FHOD1: variants seen among roughly 807,000 people sequenced by gnomAD.
FHOD1 encodes formin homology 2 domain containing 1, also known as FH1/FH2 domain-containing protein 1.
In FHOD1, 89 loss-of-function variants were observed where a neutral mutation model predicts 111.6. The ratio of observed to expected loss-of-function variants is 0.80; its 90% CI spans 0.67 to 0.95. The LOEUF (loss-of-function observed/expected upper bound fraction) is 0.95. FHOD1 is among the 40% of genes least tolerant of loss of function. The probability of loss-of-function intolerance (pLI) is 0.00; values close to 1 mark genes in which losing one functional copy is unlikely to be tolerated. For synonymous variants in FHOD1, 618 were observed against 639.0 expected (o/e 0.97, Z 0.50); for missense variants, 1,446 against 1,554.2 (o/e 0.93, Z 1.17).
At chr16:67,245,274 G>C (rs1004308858) in intron 1 of FHOD1, among the ~76,000 whole-genome samples, 1 of 152,168 alleles carries the variant, frequency 6.6e-6, no homozygotes, top group African/African-American at 2.4e-5. Context: ...TTGGGGATGA[G>C]GAACTTATAT....
At position 67,230,617 on chromosome 16, in the gene FHOD1, G is replaced by A. The variant is rs1276907965; in HGVS notation, c.2842C>T (p.Arg948Cys). Residue 948 changes from arginine (R) to cysteine (C), a missense_variant, in exon 18 of 22, where the codon CGC becomes TGC. Physicochemically the swap from Arg to Cys is radical, Grantham distance 180 (BLOSUM62 -3). Around this residue, in one of 3 missense-constraint regions of FHOD1, gnomAD observed 1,085 missense variants for 1,108.8 expected, o/e 0.98. Coordinates refer to ENST00000258201, the MANE Select transcript of FHOD1 (RefSeq NM_013241.3). ...RRVAMLRIVH[R>C]RVCNRFHAFL... ...TGCCCCTACCTATTGCAGACACGGC[G>A]GTGCACTATCCTTAGCATGGCAACA... The A allele has an allele frequency of 5.6e-6, 9 of 1,614,086 alleles. No homozygotes were observed. Among genetic ancestry groups the A allele is most frequent in the Non-Finnish European group, 6.8e-6 (8 of 1,179,970 alleles).
rs144176051 is a variant in FHOD1 at position 67,236,000 on chromosome 16, C to T, written c.1319+557G>A. On this transcript the variant is annotated intron_variant, in intron 11 of 21. Transcript: ENST00000258201. The stretch of plus-strand genomic sequence containing the variant: ...TGAGCACATGGCAGGCCTGGCAGGC[C>T]GGCCTCTGTACTTACTCCAGCCTGG... 6.4e-5 allele frequency: 63 copies of T among 982,782 alleles called. No homozygotes were observed. The Middle Eastern group carries it at 2.1e-3, about 33-fold the overall frequency. The allele number at this position is 982,782 out of a possible 1,614,324, so 60.9% of individuals were successfully genotyped here.
intron 13 of FHOD1, 71 bp from the exon 14 acceptor site, chr16:67,232,265 C>G (rs1006117199): frequency 7.8e-6 from 12 of 1,543,624 alleles, no homozygotes; most frequent in Non-Finnish European, 1.1e-5. Context: ...CGCCTGTAAT[C>G]CCAGCACTTT....
rs766020302 is a variant in FHOD1 at position 67,229,621 on chromosome 16, C to T, written c.*15G>A. 24 of 1,611,940 alleles carry T rather than the reference C, an allele frequency of 1.5e-5. No homozygotes were observed. The highest frequency in any genetic ancestry group is 1.6e-4 in the Middle Eastern group (1 of 6,076). On this transcript the variant is annotated 3_prime_UTR_variant, in exon 22 of 22. Transcript: ENST00000258201. Reference sequence around the variant, plus strand: ...GCAGTCCAGGGTCCAGATAGATTTCCGGGATACAGCACCTTCACACCTCCA... The same window carrying T: ...GCAGTCCAGGGTCCAGATAGATTTCTGGGATACAGCACCTTCACACCTCCA...
In FHOD1 at chr16:67,233,954, G is replaced by T; in HGVS notation, c.1749C>A (p.Pro583=). Residue 583 remains proline, a synonymous_variant, in exon 13 of 22, where the codon CCC becomes CCA. Coordinates refer to ENST00000258201, the MANE Select transcript of FHOD1 (RefSeq NM_013241.3). The part of the protein sequence containing the change: ...SPPLPLLSGV[P]PPPPLPPPPP... ...GGGGAGGTGGAAGTGGGGGAGGGGG[G>T]GGTACTCCCGAGAGCAGGGGCAGTG... is the stretch of plus-strand genomic sequence containing the variant. 4 of 1,588,164 alleles carry T rather than the reference G, an allele frequency of 2.5e-6. No homozygotes were observed. Among genetic ancestry groups the T allele is most frequent in the Non-Finnish European group, 3.4e-6 (4 of 1,163,474 alleles).
chr16:67,246,013 A>G (rs965044446), intron 1 of FHOD1, among the ~76,000 whole-genome samples: 1 of 152,204 alleles, frequency 6.6e-6, no homozygotes, highest in Non-Finnish European at 1.5e-5. Flanking sequence ...GGGCTGAGTC[A>G]AAACTGGCGG....
At chr16:67,247,178 G>A (rs1445976052) in intron 1 of FHOD1, 32 bp downstream of exon 1, 4 of 1,496,538 alleles carry the variant, frequency 2.7e-6, no homozygotes, top group Non-Finnish European at 2.7e-6. Context: ...CTGAACCCCC[G>A]ATCGCCCCAA....
chr16:67,230,433 G>A lies in FHOD1; in HGVS notation c.2932C>T (p.His978Tyr), dbSNP rs759835715. The A allele has an allele frequency of 1.2e-6, 2 of 1,614,122 alleles. No individual in the cohort carries two copies. The highest frequency in any genetic ancestry group is 3.3e-5 in the Admixed American group (2 of 60,012). The change falls in exon 19 of 22, where the codon CAC becomes TAC. Residue 978 changes from histidine (H) to tyrosine (Y), a missense_variant. Physicochemically the swap from His to Tyr is moderately conservative, Grantham distance 83 (BLOSUM62 2). This residue lies in a region of FHOD1 where 1,085 missense variants were observed against 1,108.8 expected (regional missense o/e 0.98). Coordinates refer to ENST00000258201, the MANE Select transcript of FHOD1 (RefSeq NM_013241.3). The stretch of plus-strand genomic sequence containing the variant: ...TCAAGCGCAAATTCCCGCAGCGTGT[G>A]GCAGAACTGCATGATGCGCACTTCA... The part of the protein sequence containing the change: ...AREVRIMQFC[H>Y]TLREFALEYR...
Position 67,230,064 on chromosome 16 carries a change from A to G in FHOD1, c.3214+2T>C, listed in dbSNP as rs371052270. 6.2e-7 allele frequency: 1 copy of G among 1,613,750 alleles called. No homozygotes were observed. Among genetic ancestry groups the G allele is most frequent in the South Asian group, 1.1e-5 (1 of 91,058 alleles). On this transcript the variant is annotated splice_donor_variant, in intron 20 of 21. Transcript: ENST00000258201. LOFTEE classifies it high-confidence loss of function. ...ATTCCCCACAGCTGCTATGGGCCTC[A>G]CCTCTGCTGCGGCGATTGTGTGTGG...
Position 67,230,240 on chromosome 16 carries a change from A to G in FHOD1, c.3052-12T>C, listed in dbSNP as rs1399560083. On this transcript the variant is annotated splice_polypyrimidine_tract_variant and intron_variant, in intron 19 of 21. Transcript: ENST00000258201. The stretch of plus-strand genomic sequence containing the variant: ...GAGAACTTCTCTGTCTGGAGAAAGA[A>G]GAAGGGTGAGCTGGGAGGAGCGAAG... 3.1e-6 allele frequency: 5 copies of G among 1,613,718 alleles called. No individual in the cohort carries two copies. The highest frequency in any genetic ancestry group is 4.2e-6 in the Non-Finnish European group (5 of 1,179,788).
chr16:67,239,539 G>A, intron 1 of FHOD1, 85 bp from the exon 2 acceptor site: 1 of 950,838 alleles, frequency 1.1e-6, no homozygotes, highest in Non-Finnish European at 1.7e-6. Context: ...CCTACCACTT[G>A]AAGGGTGGCA....
In FHOD1 at chr16:67,238,578, T is replaced by C; in HGVS notation, c.374-131A>G. On this transcript the variant is annotated intron_variant, in intron 3 of 21. Transcript: ENST00000258201. This position sits in a 1 kb window ranked among gnomAD's most constrained non-coding sequence, Gnocchi z 4.2. The stretch of plus-strand genomic sequence containing the variant: ...TTTGGTCTGAGAGACAGGGTCTCAC[T>C]CTGTCACTCAGGCTGGAGTGTGGAG... The C allele has an allele frequency of 4.5e-6, 4 of 896,726 alleles. No homozygotes were observed. The highest frequency in any genetic ancestry group is 5.3e-6 in the Non-Finnish European group (3 of 560,918). 55.5% of individuals were successfully genotyped at this position (896,726 alleles called of 1,614,324 possible).
At chr16:67,239,616 G>C (rs902441871) in intron 1 of FHOD1, among the ~76,000 whole-genome samples, 162 bp from the exon 2 acceptor site, 1 of 152,216 alleles carries the variant, frequency 6.6e-6, no homozygotes, top group Admixed American at 6.5e-5. Context: ...CACCTACTAT[G>C]TGCAAAGCCC....
intron 1 of FHOD1, among the ~76,000 whole-genome samples, chr16:67,241,331 G>A (rs1203572881): frequency 6.6e-6 from 1 of 152,070 alleles, no homozygotes; most frequent in Non-Finnish European, 1.5e-5. Context: ...GGGGTATCTT[G>A]TCCAGGGCCA....
chr16:67,235,175 T>G (rs141757217), intron 11 of FHOD1, among the ~76,000 whole-genome samples: 30 of 152,300 alleles, frequency 2.0e-4, no homozygotes, highest in Middle Eastern at 6.8e-3. Context: ...CCAATGGGCA[T>G]ATCAGGCTGT....
In FHOD1 at chr16:67,237,158, T is replaced by A. The variant is rs906407757; in HGVS notation, c.994-44A>T. 1.2e-6 allele frequency: 2 copies of A among 1,602,698 alleles called. No homozygotes were observed. Among genetic ancestry groups the A allele is most frequent in the African/African-American group, 1.3e-5 (1 of 74,780 alleles). On this transcript the variant is annotated intron_variant, in intron 9 of 21. Coordinates refer to ENST00000258201, the MANE Select transcript of FHOD1 (RefSeq NM_013241.3). This position sits in a 1 kb window ranked among gnomAD's most constrained non-coding sequence, Gnocchi z 5.6. ...GATGTAAGAAAGTGGTTAACGTGTATGCAGGTGGGGTGGGGCGCTGGGGAC... is the reference window on the plus strand; with the variant it reads ...GATGTAAGAAAGTGGTTAACGTGTAAGCAGGTGGGGTGGGGCGCTGGGGAC...
Position 67,237,043 on chromosome 16 carries a change from C to T in FHOD1, c.1065G>A (p.Lys355=), listed in dbSNP as rs773856546. Residue 355 remains lysine (K), a synonymous_variant, in exon 10 of 22, where the codon AAG becomes AAA. Transcript: ENST00000258201. This position sits in a 1 kb window ranked among gnomAD's most constrained non-coding sequence, Gnocchi z 5.6. ...TCCTCTTGCCCTCCTCAGAAGAAGG[C>T]TTTCGTCGTTCCCGCCGCCCACCAG... ...PGAGGRRERR[K]PSSEEGKRSR... 6.2e-7 allele frequency: 1 copy of T among 1,613,326 alleles called. No homozygotes were observed. The highest frequency in any genetic ancestry group is 2.2e-5 in the East Asian group (1 of 44,880).
intron 13 of FHOD1, among the ~76,000 whole-genome samples, chr16:67,232,583 A>G (rs2034322095): frequency 6.7e-6 from 1 of 150,246 alleles, no homozygotes. Flanking sequence ...CTCAGAGGGC[A>G]CTCCAAGGCC....
At position 67,238,844 on chromosome 16, in the gene FHOD1, G is replaced by T; in HGVS notation, c.373+59C>A. ...CACTGTTCAGCACAGGCCTGAAGGT[G>T]AGCCAACTGGGCTATGGGGAGGAGG... On this transcript the variant is annotated intron_variant, in intron 3 of 21. Coordinates refer to ENST00000258201, the MANE Select transcript of FHOD1 (RefSeq NM_013241.3). This position sits in a 1 kb window ranked among gnomAD's most constrained non-coding sequence, Gnocchi z 4.2. 6.4e-7 allele frequency: 1 copy of T among 1,553,548 alleles called. No homozygotes were observed. The highest frequency in any genetic ancestry group is 8.9e-7 in the Non-Finnish European group (1 of 1,124,776).
Sources: allele counts gnomAD v4.1 joint callset (sites outside exome capture counted in the v4.1 genomes callset), GRCh38; gene constraint gnomAD v4.1.1; regional missense constraint gnomAD v4.1.1; non-coding constraint Gnocchi (gnomAD v3.1); transcripts MANE v1.5; gene names NCBI Gene and HGNC (gene_info 2026-07-23, HGNC 2026-07-21).